Variants in PPP4R1 observed in about 807,000 individuals in gnomAD.
PPP4R1 encodes the protein serine/threonine-protein phosphatase 4 regulatory subunit 1.
Under a neutral mutation model 111.2 loss-of-function variants are expected in PPP4R1, and 42 were observed. The observed-to-expected ratio is 0.38, with a 90% CI of 0.29 to 0.49. The LOEUF (loss-of-function observed/expected upper bound fraction) is 0.49, where lower values mean the gene tolerates loss of function less well. Ranked by LOEUF, PPP4R1 falls within the 20% of genes least tolerant of loss-of-function variation. The pLI, the probability that PPP4R1 is intolerant of heterozygous loss-of-function variation, is 0.97. For synonymous variants in PPP4R1, 409 were observed against 405.5 expected, an observed-to-expected ratio of 1.01 and a Z score of -0.10; for missense variants, 1,012 against 1,161.6, an observed-to-expected ratio of 0.87 and a Z score of 1.87.
Position 9,614,351 on chromosome 18 carries a change from C to G in PPP4R1, c.8-81G>C, listed in dbSNP as rs1336535166. The G allele has an allele frequency of 6.5e-6, 7 of 1,072,472 alleles. No individual in the cohort carries two copies. The highest frequency in any genetic ancestry group is 4.4e-5 in the South Asian group (1 of 22,810). 66.4% of individuals were successfully genotyped at this position (1,072,472 alleles called of 1,614,324 possible). ...GCCCCCCCCCCGCCCGCCTCCCCCC[C>G]GCCCCGGGGGCGCCTTCCCGCGCCG... On this transcript the variant is annotated intron_variant, in intron 1 of 19. Coordinates refer to ENST00000400556, the MANE Select transcript of PPP4R1 (RefSeq NM_001042388.3). This position sits in a 1 kb window ranked among gnomAD's most constrained non-coding sequence, Gnocchi z 4.1.
chr18:9,591,346 CCAA>C (rs2067208853), intron 4 of PPP4R1, among the ~76,000 whole-genome samples: 1 of 127,886 alleles, frequency 7.8e-6, no homozygotes, highest in African/African-American at 2.8e-5. Context: ...GACTCCATCT[CCAA>C]AAAAAAAAAA....
At chr18:9,574,427 T>C (rs530805496) in intron 10 of PPP4R1, among the ~76,000 whole-genome samples, 1 of 152,350 alleles carries the variant, frequency 6.6e-6, no homozygotes, top group South Asian at 2.1e-4. Flanking sequence ...TTCCAAGTAC[T>C]GTGAATTAAC....
At chr18:9,583,072 G>T in intron 9 of PPP4R1, 45 bp downstream of exon 9, 2 of 1,466,388 alleles carry the variant, frequency 1.4e-6, no homozygotes, top group Non-Finnish European at 1.8e-6. Context: ...GCTTTAAAAC[G>T]GACACAAATG....
upstream of PPP4R1, chr18:9,614,629 C>G (rs1483325495): frequency 3.3e-5 from 10 of 298,812 alleles, no homozygotes; most frequent in African/African-American, 2.4e-4. The surrounding 1 kb of genome is among the most constrained non-coding windows in gnomAD (Gnocchi z 4.1). Context: ...CGGGGCGGGC[C>G]GAGGGCCCGG....
intron 6 of PPP4R1, among the ~76,000 whole-genome samples, chr18:9,585,860 G>C (rs1007007567): frequency 6.6e-6 from 1 of 152,004 alleles, no homozygotes; most frequent in African/African-American, 2.4e-5. Context: ...AAAGATTAAA[G>C]ATATAAATCA....
rs1180131981 is a variant in PPP4R1, at chr18:9,614,345, C to T, written c.8-75G>A. ...CGCGACGCCCCCCCCCCGCCCGCCTCCCCCCCGCCCCGGGGGCGCCTTCCC... is the reference window on the plus strand; with the variant it reads ...CGCGACGCCCCCCCCCCGCCCGCCTTCCCCCCGCCCCGGGGGCGCCTTCCC... On this transcript the variant is annotated intron_variant, in intron 1 of 19. Coordinates refer to ENST00000400556, the MANE Select transcript of PPP4R1 (RefSeq NM_001042388.3). This position sits in a 1 kb window ranked among gnomAD's most constrained non-coding sequence, Gnocchi z 4.1. 3 of 1,046,548 alleles carry T rather than the reference C, an allele frequency of 2.9e-6. No individual in the cohort carries two copies. The highest frequency in any genetic ancestry group is 4.5e-5 in the South Asian group (1 of 22,338). 64.8% of individuals were successfully genotyped at this position (1,046,548 alleles called of 1,614,324 possible). A position where few individuals can be genotyped will look rare whatever the true frequency, so the allele number is the denominator to read the frequency against.
chr18:9,551,227 C>T (rs2066483479), intron 16 of PPP4R1: 1 of 152,222 alleles, frequency 6.6e-6, no homozygotes, highest in African/African-American at 2.4e-5. Flanking sequence ...GCTACATAAA[C>T]TTCAAGATCT....
intron 11 of PPP4R1, among the ~76,000 whole-genome samples, chr18:9,565,915 AT>A (rs972009930): frequency 6.3e-4 from 93 of 148,360 alleles, no homozygotes; most frequent in African/African-American, 6.2e-4. Context: ...CAAACAACAA[AT>A]TTTTTTTTTT....
At chr18:9,605,432 G>A (rs2067461746) in intron 2 of PPP4R1, among the ~76,000 whole-genome samples, 1 of 151,778 alleles carries the variant, frequency 6.6e-6, no homozygotes, top group Non-Finnish European at 1.5e-5. Context: ...ATTACAATAG[G>A]AAAAACAGAA....
At position 9,562,082 on chromosome 18, in the gene PPP4R1, G is replaced by A; in HGVS notation, c.1747-7C>T. The A allele has an allele frequency of 6.3e-7, 1 of 1,595,974 alleles. No homozygotes were observed. Among genetic ancestry groups the A allele is most frequent in the Non-Finnish European group, 8.6e-7 (1 of 1,164,308 alleles). On this transcript the variant is annotated splice_region_variant and splice_polypyrimidine_tract_variant and intron_variant, in intron 12 of 19. Coordinates refer to ENST00000400556, the MANE Select transcript of PPP4R1 (RefSeq NM_001042388.3). ...GAAGAGTGGAGTCCATATTCTGTTAGGAAAAAATAACTACTTAAAGAGCTG... is the reference window on the plus strand; with the variant it reads ...GAAGAGTGGAGTCCATATTCTGTTAAGAAAAAATAACTACTTAAAGAGCTG...
intron 2 of PPP4R1, among the ~76,000 whole-genome samples, chr18:9,610,452 T>C (rs1354692143): frequency 6.6e-6 from 1 of 152,184 alleles, no homozygotes; most frequent in Non-Finnish European, 1.5e-5. Flanking sequence ...ATGGTTTTTA[T>C]TGCATTATTC....
At chr18:9,587,896 T>C (rs1175269053) in intron 6 of PPP4R1, among the ~76,000 whole-genome samples, 193 bp downstream of exon 6, 7 of 151,586 alleles carry the variant, frequency 4.6e-5, no homozygotes, top group Non-Finnish European at 1.0e-4. Context: ...TTGTATTTTT[T>C]TGGCAGAGCC....
Position 9,550,355 on chromosome 18 carries a change from A to T in PPP4R1, c.2335T>A (p.Tyr779Asn). 4 of 1,608,584 alleles carry T rather than the reference A, an allele frequency of 2.5e-6. No individual in the cohort carries two copies. The highest frequency in any genetic ancestry group is 3.4e-6 in the Non-Finnish European group (4 of 1,174,906). ...LLELYSPRDVYDYLRPIALNL... is the reference protein window; with the variant it reads ...LLELYSPRDVNDYLRPIALNL... ...AGAGCAATGGGACGTAAATAGTCAT[A>T]AACATCTCTGGGACTATATAACTCT... Residue 779 changes from tyrosine (Y) to asparagine (N), a missense_variant, in exon 17 of 20, where the codon TAT becomes AAT. Tyr to Asn is a moderately radical substitution (Grantham distance 143). Transcript: ENST00000400556.
At chr18:9,588,026 C>T in intron 6 of PPP4R1, 63 bp downstream of exon 6, 1 of 1,593,812 alleles carries the variant, frequency 6.3e-7, no homozygotes, top group Non-Finnish European at 8.6e-7. Context: ...CCCGGCCTGA[C>T]TTTTAATAAG....
chr18:9,602,585 C>T (rs921588574), intron 2 of PPP4R1, among the ~76,000 whole-genome samples: 4 of 149,626 alleles, frequency 2.7e-5, no homozygotes, highest in African/African-American at 7.4e-5. Flanking sequence ...TTTAGCCATG[C>T]GCAGTGACTC....
At chr18:9,609,520 G>A (rs941630736) in intron 2 of PPP4R1, among the ~76,000 whole-genome samples, 1 of 152,134 alleles carries the variant, frequency 6.6e-6, no homozygotes, top group African/African-American at 2.4e-5. Context: ...CTTCAACACC[G>A]CCCTTAAACC....
At chr18:9,552,834 A>AG (rs1473174248) in intron 16 of PPP4R1, among the ~76,000 whole-genome samples, 1 of 152,258 alleles carries the variant, frequency 6.6e-6, no homozygotes, top group Non-Finnish European at 1.5e-5. Context: ...AAAGGAAGGC[A>AG]GGTTCAGCTA....
intron 4 of PPP4R1, among the ~76,000 whole-genome samples, chr18:9,593,124 A>T (rs1202264302): frequency 6.6e-6 from 1 of 152,178 alleles, no homozygotes; most frequent in Non-Finnish European, 1.5e-5. Context: ...TAAAGATAAT[A>T]GATTTAAGGG....
At chr18:9,556,184 T>C (rs1379168354) in intron 15 of PPP4R1, among the ~76,000 whole-genome samples, 6 of 149,012 alleles carry the variant, frequency 4.0e-5, no homozygotes, top group African/African-American at 1.5e-4. Context: ...TATAAAATGG[T>C]CTCAATGTTT....
Sources: allele counts gnomAD v4.1 joint callset (sites outside exome capture counted in the v4.1 genomes callset), GRCh38; gene constraint gnomAD v4.1.1; non-coding constraint Gnocchi (gnomAD v3.1); transcripts MANE v1.5; gene names NCBI Gene and HGNC (gene_info 2026-07-23, HGNC 2026-07-21).